ATP8A1: variants seen among roughly 807,000 people sequenced by gnomAD.
ATP8A1 encodes ATPase phospholipid transporting 8A1.
Under a neutral mutation model 177.7 loss-of-function variants are expected in ATP8A1, and 90 were observed. The ratio of observed to expected loss-of-function variants is 0.51; its 90% CI spans 0.43 to 0.60. ATP8A1 has a LOEUF of 0.60. Among genes scored for constraint, ATP8A1 ranks in the 20% least tolerant of loss-of-function variants. ATP8A1 has a pLI of 0.00. For synonymous variants in ATP8A1, 493 were observed against 485.9 expected (o/e 1.01, Z -0.19); for missense variants, 1,072 against 1,392.8 (o/e 0.77, Z 3.67).
intron 1 of ATP8A1, among the ~76,000 whole-genome samples, chr4:42,636,152 A>ACGCGCGTGCGCG (rs1276251388): frequency 8.3e-4 from 28 of 33,768 alleles, no homozygotes; most frequent in East Asian, 1.4e-3. Flanking sequence ...ACACACACAC[A>ACGCGCGTGCGCG]CACACGCACA....
In ATP8A1 at chr4:42,409,218, A is replaced by AAT. The variant is rs1712309203; in HGVS notation, c.*3697_*3698insAT. ...TAAATATGAACTCATGCAAACCATAAACCTATCAAAAACACAGCTGTTCTC... is the reference window on the plus strand; with the variant it reads ...TAAATATGAACTCATGCAAACCATAAATACCTATCAAAAACACAGCTGTTCTC... On this transcript the variant is annotated 3_prime_UTR_variant, in exon 37 of 37. Transcript: ENST00000381668. 6.6e-6 allele frequency: 1 copy of AAT among 152,200 alleles called. No individual in the cohort carries two copies. The highest frequency in any genetic ancestry group is 2.1e-4 in the South Asian group (1 of 4,828). The allele number at this position is 152,200 out of a possible 1,614,324, so 9.4% of individuals were successfully genotyped here. A position where few individuals can be genotyped will look rare whatever the true frequency, so the allele number is the denominator to read the frequency against.
At chr4:42,636,702 C>T (rs566596835) in intron 1 of ATP8A1, among the ~76,000 whole-genome samples, 3 of 152,226 alleles carry the variant, frequency 2.0e-5, no homozygotes, top group South Asian at 4.1e-4. Context: ...CTTTCCAGCT[C>T]GGCATCTGCT....
intron 33 of ATP8A1, among the ~76,000 whole-genome samples, chr4:42,435,013 A>G (rs1177767566): frequency 6.6e-6 from 1 of 152,252 alleles, no homozygotes; most frequent in Non-Finnish European, 1.5e-5. Context: ...AAAATATGCC[A>G]TAAAGTAACT....
rs1560418479 is a variant in ATP8A1 at position 42,522,300 on chromosome 4, C to T, written c.1808-1G>A. ...ACAGCAAAACATAAAGTTCTTAACC[C>T]TGAAAAAGATAGCATACATCACCCC... On this transcript the variant is annotated splice_acceptor_variant, in intron 21 of 36. Transcript: ENST00000381668. LOFTEE classifies it high-confidence loss of function. 6.2e-7 allele frequency: 1 copy of T among 1,612,688 alleles called. No homozygotes were observed. The highest frequency in any genetic ancestry group is 8.5e-7 in the Non-Finnish European group (1 of 1,179,684).
chr4:42,571,484 A>G (rs1240626731), intron 14 of ATP8A1, among the ~76,000 whole-genome samples: 3 of 147,714 alleles, frequency 2.0e-5, no homozygotes, highest in Admixed American at 2.0e-4. Context: ...TTTTTTTTAC[A>G]AAGATGGCAC....
intron 5 of ATP8A1, among the ~76,000 whole-genome samples, chr4:42,601,672 G>C (rs183529803): frequency 6.6e-6 from 1 of 152,224 alleles, no homozygotes; most frequent in African/African-American, 2.4e-5. Flanking sequence ...AATTCCATGA[G>C]GGAAAAGCAT....
chr4:42,557,773 T>C (rs1050018335), intron 15 of ATP8A1, among the ~76,000 whole-genome samples: 1 of 152,184 alleles, frequency 6.6e-6, no homozygotes, highest in Admixed American at 6.5e-5. Context: ...CTGGGCACCA[T>C]GGCTTATGTC....
At chr4:42,578,954 T>G (rs1732744422) in intron 11 of ATP8A1, among the ~76,000 whole-genome samples, 1 of 152,046 alleles carries the variant, frequency 6.6e-6, no homozygotes. Context: ...GTTCTGATAC[T>G]GAAATAATAA....
intron 4 of ATP8A1, among the ~76,000 whole-genome samples, chr4:42,621,475 A>T (rs1737458211): frequency 6.6e-6 from 1 of 152,190 alleles, no homozygotes; most frequent in African/African-American, 2.4e-5. Context: ...CTGGCAAACA[A>T]CTATTTTAGA....
chr4:42,567,188 T>G (rs897203185), intron 15 of ATP8A1, among the ~76,000 whole-genome samples: 1 of 152,210 alleles, frequency 6.6e-6, no homozygotes, highest in African/African-American at 2.4e-5. Context: ...CTTTCATTTT[T>G]GCAGGCCTAT....
intron 15 of ATP8A1, among the ~76,000 whole-genome samples, chr4:42,566,943 C>T (rs1300176487): frequency 6.6e-6 from 1 of 152,248 alleles, no homozygotes; most frequent in Non-Finnish European, 1.5e-5. Context: ...TGTGCAGACA[C>T]TATCCAAAGC....
intron 5 of ATP8A1, among the ~76,000 whole-genome samples, chr4:42,607,007 T>C (rs559214281): frequency 9.2e-5 from 14 of 152,196 alleles, no homozygotes; most frequent in Non-Finnish European, 1.9e-4. Flanking sequence ...AAGGCTGTAG[T>C]GGTCTGGATT....
chr4:42,422,861 A>C lies in ATP8A1; in HGVS notation c.3251T>G (p.Val1084Gly). The part of the protein sequence containing the change: ...RTAFKTLVDE[V>G]QELEAKSQDP... ...TTGAGATTTTGCCTCCAGCTCCTGA[A>C]CTTCATCGACCAATGTTTTAAAAGC... Residue 1084 changes from valine (V) to glycine (G), a missense_variant, in exon 35 of 37, where the codon GTT becomes GGT. Coordinates refer to ENST00000381668, the MANE Select transcript of ATP8A1 (RefSeq NM_006095.2). 4 of 1,612,976 alleles carry C rather than the reference A, an allele frequency of 2.5e-6. No homozygotes were observed. Among genetic ancestry groups the C allele is most frequent in the Non-Finnish European group, 3.4e-6 (4 of 1,179,904 alleles).
At chr4:42,494,432 G>A (rs1021170133) in intron 24 of ATP8A1, among the ~76,000 whole-genome samples, 12 of 152,146 alleles carry the variant, frequency 7.9e-5, no homozygotes, top group Admixed American at 4.6e-4. Context: ...CCGAGATCAC[G>A]CCACTGCACT....
At chr4:42,518,218 T>C (rs1490703312) in intron 22 of ATP8A1, among the ~76,000 whole-genome samples, 1 of 152,256 alleles carries the variant, frequency 6.6e-6, no homozygotes, top group Non-Finnish European at 1.5e-5. Flanking sequence ...TTTCCTCTTA[T>C]TTTGTACTAA....
intron 14 of ATP8A1, among the ~76,000 whole-genome samples, chr4:42,569,752 T>C (rs1341405923): frequency 6.6e-6 from 1 of 152,232 alleles, no homozygotes; most frequent in Non-Finnish European, 1.5e-5. Context: ...TTAAATGATA[T>C]TAAAAAATTT....
intron 1 of ATP8A1, among the ~76,000 whole-genome samples, chr4:42,627,429 G>C (rs768967898): frequency 1.7e-4 from 26 of 151,984 alleles, no homozygotes; most frequent in Non-Finnish European, 3.4e-4. Flanking sequence ...ATTTTAAACT[G>C]GTTTAAATTA....
intron 22 of ATP8A1, among the ~76,000 whole-genome samples, chr4:42,521,318 T>A (rs1279996683): frequency 1.3e-5 from 2 of 152,156 alleles, no homozygotes; most frequent in Non-Finnish European, 2.9e-5. Context: ...AGCTGTGTAC[T>A]CTCAGCCAAA....
intron 1 of ATP8A1, among the ~76,000 whole-genome samples, chr4:42,638,660 T>C (rs1322744963): frequency 6.6e-6 from 1 of 152,230 alleles, no homozygotes; most frequent in Non-Finnish European, 1.5e-5. Flanking sequence ...AGGAATTTAA[T>C]GACATCTCCT....
Sources: allele counts gnomAD v4.1 joint callset (sites outside exome capture counted in the v4.1 genomes callset), GRCh38; gene constraint gnomAD v4.1.1; transcripts MANE v1.5; gene names NCBI Gene and HGNC (gene_info 2026-07-23, HGNC 2026-07-21).